Variants in RGS8 observed in about 807,000 individuals in gnomAD.
RGS8 encodes regulator of G protein signaling 8, also known as regulator of G-protein signaling 8.
RGS8 carries 8 observed loss-of-function variants against 21.7 expected under a neutral mutation model. The observed-to-expected ratio is 0.37, with a 90% CI of 0.22 to 0.66. The LOEUF is 0.66. RGS8 is among the 30% of genes least tolerant of loss of function. RGS8 has a pLI of 0.59. For synonymous variants in RGS8, 80 were observed against 83.6 expected, an observed-to-expected ratio of 0.96 and a Z score of 0.24; for missense variants, 157 against 217.9, an observed-to-expected ratio of 0.72 and a Z score of 1.76.
chr1:182,648,051 A>T, intron 6 of RGS8, 86 bp downstream of exon 7: 1 of 1,287,580 alleles, frequency 7.8e-7, no homozygotes, highest in East Asian at 2.4e-5. Context: ...GAAAGTCCTC[A>T]TCAAGCCTGG....
chr1:182,746,991 G>A, the RGS8 span, among the ~76,000 whole-genome samples: 5,117 of 127,780 alleles, frequency 0.04, 110 homozygotes, highest in Middle Eastern at 0.077. Context: ...GGATCCTCCT[G>A]TTTCAACCTC....
At chr1:182,745,328 C>T in the RGS8 span, among the ~76,000 whole-genome samples, 2 of 149,176 alleles carry the variant, frequency 1.3e-5, no homozygotes, top group East Asian at 3.9e-4. Flanking sequence ...TTCTGAAGGG[C>T]CTATTTATTT....
chr1:182,698,616 T>C, the RGS8 span, among the ~76,000 whole-genome samples: 1 of 152,188 alleles, frequency 6.6e-6, no homozygotes, highest in Non-Finnish European at 1.5e-5. Flanking sequence ...ATGCTTATTT[T>C]CCCCCTAAGA....
At chr1:182,678,926 C>T (rs990273976) in intron 1 of RGS8, among the ~76,000 whole-genome samples, 6 of 152,090 alleles carry the variant, frequency 3.9e-5, no homozygotes, top group African/African-American at 7.2e-5. Flanking sequence ...GTATGAAATA[C>T]CTGGACCTCT....
chr1:182,711,789 A>G, the RGS8 span, among the ~76,000 whole-genome samples: 1 of 152,204 alleles, frequency 6.6e-6, no homozygotes, highest in African/African-American at 2.4e-5. Flanking sequence ...CAGATGCTAC[A>G]CAGGGCCTGA....
the RGS8 span, among the ~76,000 whole-genome samples, chr1:182,742,331 C>T: frequency 7.4e-4 from 111 of 150,826 alleles, no homozygotes; most frequent in African/African-American, 2.6e-3. Context: ...ACTTCCCAGA[C>T]GGGGTGGCGG....
At chr1:182,703,751 T>G in the RGS8 span, among the ~76,000 whole-genome samples, 1 of 152,200 alleles carries the variant, frequency 6.6e-6, no homozygotes, top group Non-Finnish European at 1.5e-5. Context: ...CAGATTCGCC[T>G]CCCTAATTAC....
exon 7 of RGS8, chr1:182,646,775 T>C: frequency 6.2e-7 from 1 of 1,614,184 alleles, no homozygotes; most frequent in Non-Finnish European, 8.5e-7. Flanking sequence ...CAGATCTAAG[T>C]ACATTTTGGA....
chr1:182,642,494 T>C (rs1482216076), downstream of RGS8: 5 of 152,378 alleles, frequency 3.3e-5, no homozygotes, highest in African/African-American at 1.2e-4. Context: ...ATCCCTTCTC[T>C]GATCCACGGA....
upstream of RGS8, among the ~76,000 whole-genome samples, chr1:182,673,778 A>G (rs548372588): frequency 1.6e-4 from 24 of 152,330 alleles, no homozygotes; most frequent in South Asian, 4.8e-3. Context: ...TTTTCTTGGT[A>G]CACGGCACCA....
chr1:182,674,688 G>A (rs1664299953), upstream of RGS8, among the ~76,000 whole-genome samples: 1 of 152,160 alleles, frequency 6.6e-6, no homozygotes, highest in African/African-American at 2.4e-5. Context: ...GAAAAGGCAA[G>A]CAGAGTTAAG....
chr1:182,727,196 C>T, the RGS8 span, among the ~76,000 whole-genome samples: 26 of 152,336 alleles, frequency 1.7e-4, no homozygotes, highest in Middle Eastern at 3.4e-3. Flanking sequence ...GGCTTCAAAT[C>T]CTGCACTACC....
the RGS8 span, among the ~76,000 whole-genome samples, chr1:182,708,660 T>A: frequency 6.6e-6 from 1 of 152,240 alleles, no homozygotes; most frequent in Non-Finnish European, 1.5e-5. Context: ...AGAGACCACT[T>A]GTGTCTCTCT....
At chr1:182,677,445 C>T (rs1470011053), upstream of RGS8, among the ~76,000 whole-genome samples, 1 of 152,144 alleles carries the variant, frequency 6.6e-6, no homozygotes, top group Non-Finnish European at 1.5e-5. Flanking sequence ...CCTCATTTTA[C>T]ATAGAGGATT....
the RGS8 span, among the ~76,000 whole-genome samples, chr1:182,711,243 A>G: frequency 2.6e-5 from 4 of 152,320 alleles, no homozygotes; most frequent in South Asian, 8.3e-4. Context: ...TACTTCTGGC[A>G]AGGCTTGGCC....
At chr1:182,695,123 A>C in the RGS8 span, among the ~76,000 whole-genome samples, 7,860 of 152,186 alleles carry the variant, frequency 0.052, 436 homozygotes, top group East Asian at 0.16. Flanking sequence ...GTGAAACAAT[A>C]ACTGAGAATA....
upstream of RGS8, among the ~76,000 whole-genome samples, chr1:182,687,524 G>A (rs948382403): frequency 1.3e-5 from 2 of 152,254 alleles, no homozygotes; most frequent in African/African-American, 4.8e-5. Context: ...AGGGCTGAGG[G>A]AAGAAATATC....
chr1:182,720,947 ATATATACATACATATGTGTG>A, the RGS8 span, among the ~76,000 whole-genome samples: 22,580 of 114,364 alleles, frequency 0.2, 3,052 homozygotes, highest in South Asian at 0.21. Context: ...ATATATATAC[ATATATACATACATATGTGTG>A]TATATATACA....
chr1:182,722,284 C>A, the RGS8 span, among the ~76,000 whole-genome samples: 1 of 141,996 alleles, frequency 7.0e-6, no homozygotes, highest in South Asian at 2.2e-4. Flanking sequence ...GTAATTTGGT[C>A]ACCTAATTGT....
Sources: allele counts gnomAD v4.1 joint callset (sites outside exome capture counted in the v4.1 genomes callset), GRCh38; gene constraint gnomAD v4.1.1; transcripts MANE v1.5; gene names NCBI Gene and HGNC (gene_info 2026-07-23, HGNC 2026-07-21).